The following GLRA2 variants were observed in gnomAD, a reference collection of about 807,000 sequenced individuals.
The protein encoded by GLRA2 is glycine receptor alpha 2.
GLRA2 carries 11 observed loss-of-function variants against 31.6 expected under a neutral mutation model. The observed-to-expected ratio is 0.35, with a 90% CI of 0.22 to 0.58. The LOEUF is 0.58. Among genes scored for constraint, GLRA2 ranks in the 20% least tolerant of loss-of-function variants. GLRA2 has a pLI of 0.84. For synonymous variants in GLRA2, 132 were observed against 134.0 expected, an observed-to-expected ratio of 0.99 and a Z score of 0.10; for missense variants, 212 against 351.8, an observed-to-expected ratio of 0.60 and a Z score of 3.18.
At chrX:14,654,291 T>C (rs1486581351) in intron 7 of GLRA2, among the ~76,000 whole-genome samples, 1 of 112,012 alleles carries the variant, frequency 8.9e-6, no homozygotes, top group African/African-American at 3.2e-5. Context: ...TGATTGTTAG[T>C]ATTTTTTAGC....
chrX:14,558,821 T>C (rs1200324273), intron 2 of GLRA2, among the ~76,000 whole-genome samples: 1 of 110,342 alleles, frequency 9.1e-6, no homozygotes, highest in Non-Finnish European at 1.9e-5. Flanking sequence ...TTGCTTTGTC[T>C]AGAATTTTTT....
chrX:14,608,928 G>T (rs1349917047), intron 6 of GLRA2, 63 bp from the exon 7 acceptor site: 3 of 547,386 alleles, frequency 5.5e-6, no homozygotes, highest in African/African-American at 2.4e-5. Context: ...TAAACAACGT[G>T]GGATAATGGA....
chrX:14,563,531 T>G (rs2089760925), intron 2 of GLRA2, among the ~76,000 whole-genome samples: 1 of 112,090 alleles, frequency 8.9e-6, no homozygotes, highest in Non-Finnish European at 1.9e-5. Context: ...ATGATAAATA[T>G]ACAGTTTTCA....
the GLRA2 span, among the ~76,000 whole-genome samples, chrX:14,478,371 A>G: frequency 7.0e-4 from 78 of 112,185 alleles, no homozygotes; most frequent in African/African-American, 2.2e-3. Flanking sequence ...TGTACAAGCT[A>G]TCTTTCAACT....
intron 7 of GLRA2, among the ~76,000 whole-genome samples, chrX:14,668,844 C>A (rs2091061328): frequency 9.0e-6 from 1 of 111,263 alleles, no homozygotes; most frequent in Non-Finnish European, 1.9e-5. Context: ...ATCATTCTGC[C>A]CCTAGCCCCT....
At chrX:14,465,828 G>T in the GLRA2 span, among the ~76,000 whole-genome samples, 1 of 111,616 alleles carries the variant, frequency 9.0e-6, no homozygotes, top group Non-Finnish European at 1.9e-5. Flanking sequence ...CACTTCTTTA[G>T]GTTAATACTT....
intron 2 of GLRA2, among the ~76,000 whole-genome samples, chrX:14,565,339 A>C (rs957577543): frequency 1.8e-5 from 2 of 111,922 alleles, no homozygotes; most frequent in African/African-American, 6.5e-5. Context: ...TGTTAGACAA[A>C]ATAGATTTTA....
chrX:14,507,686 A>G, the GLRA2 span, among the ~76,000 whole-genome samples: 8 of 56,053 alleles, frequency 1.4e-4, no homozygotes, highest in Non-Finnish European at 2.8e-4. Flanking sequence ...TACGAAAGAC[A>G]TTCTTTTTTT....
chrX:14,497,676 T>A, the GLRA2 span, among the ~76,000 whole-genome samples: 1 of 111,679 alleles, frequency 9.0e-6, no homozygotes. Context: ...AAGGGGACAT[T>A]TGAACCAGAT....
At chrX:14,708,330 C>T (rs963998696) in intron 8 of GLRA2, among the ~76,000 whole-genome samples, 3 of 111,680 alleles carry the variant, frequency 2.7e-5, no homozygotes, top group African/African-American at 9.8e-5. Context: ...TAAACAAATT[C>T]ACCTGACCAT....
At chrX:14,621,327 A>AT (rs764954626) in intron 7 of GLRA2, among the ~76,000 whole-genome samples, 34 of 107,599 alleles carry the variant, frequency 3.2e-4, no homozygotes, top group African/African-American at 8.5e-4. Flanking sequence ...AGACATCAGC[A>AT]TTTTTTTTTT....
chrX:14,599,769 T>G (rs756552877), intron 4 of GLRA2, among the ~76,000 whole-genome samples: 4 of 111,292 alleles, frequency 3.6e-5, no homozygotes, highest in African/African-American at 6.5e-5. Flanking sequence ...AAGATTTGTG[T>G]TTTTTTACTG....
At chrX:14,508,480 C>T in the GLRA2 span, among the ~76,000 whole-genome samples, 1 of 111,939 alleles carries the variant, frequency 8.9e-6, no homozygotes, top group Non-Finnish European at 1.9e-5. Context: ...GACTTCAAGG[C>T]ATTGGCACTG....
chrX:14,539,698 A>C (rs896284161), intron 2 of GLRA2, among the ~76,000 whole-genome samples: 1 of 111,937 alleles, frequency 8.9e-6, no homozygotes, highest in African/African-American at 3.2e-5. Context: ...ACTCATCCAA[A>C]GGGCAAAATA....
At chrX:14,472,676 C>G in the GLRA2 span, among the ~76,000 whole-genome samples, 2 of 111,509 alleles carry the variant, frequency 1.8e-5, no homozygotes, top group Non-Finnish European at 3.8e-5. Context: ...ATAATGGCTT[C>G]CAGCTCCTGT....
In GLRA2 at chrX:14,706,630, G is replaced by A. The variant is rs754175697; in HGVS notation, c.1080+15771G>A. 4.5e-5 allele frequency among the ~76,000 whole-genome samples: 5 copies of A among 111,244 alleles called. No homozygotes were observed. In the South Asian group the frequency reaches 1.1e-3, roughly 26 times the overall value. On this transcript the variant is annotated intron_variant, in intron 8 of 8. Coordinates refer to ENST00000218075, the MANE Select transcript of GLRA2 (RefSeq NM_002063.4). ...CCTAGGATTATCATTCTGGTATTAGGAGCCAAATGGGAACCCCATGAAAGA... is the reference window on the plus strand; with the variant it reads ...CCTAGGATTATCATTCTGGTATTAGAAGCCAAATGGGAACCCCATGAAAGA...
intron 5 of GLRA2, among the ~76,000 whole-genome samples, chrX:14,605,709 G>A (rs2090326059): frequency 9.0e-6 from 1 of 111,701 alleles, no homozygotes; most frequent in Non-Finnish European, 1.9e-5. Flanking sequence ...CACTAACTTT[G>A]GATGTGAAGG....
At chrX:14,529,130 G>A (rs1321773506), upstream of GLRA2, among the ~76,000 whole-genome samples, 1 of 111,071 alleles carries the variant, frequency 9.0e-6, no homozygotes, top group Non-Finnish European at 1.9e-5. Context: ...CACTGACAAA[G>A]AGTGAACTGT....
the GLRA2 span, among the ~76,000 whole-genome samples, chrX:14,511,847 T>C: frequency 1.8e-5 from 2 of 111,793 alleles, no homozygotes; most frequent in East Asian, 5.6e-4. Flanking sequence ...ACAACCAGGA[T>C]GGTCAAGAAG....
Sources: gnomAD v4.1 joint callset for allele counts (sites outside exome capture counted in the v4.1 genomes callset) on GRCh38, gnomAD v4.1.1 for gene constraint, MANE v1.5 for transcripts, NCBI Gene and HGNC (gene_info 2026-07-23, HGNC 2026-07-21) for gene names.